SCIN: variants seen among roughly 807,000 people sequenced by gnomAD.
The protein encoded by SCIN is scinderin.
Under a neutral mutation model 91.8 loss-of-function variants are expected in SCIN, and 91 were observed. The ratio of observed to expected loss-of-function variants is 0.99; its 90% CI spans 0.84 to 1.18. The LOEUF (loss-of-function observed/expected upper bound fraction) is 1.18, where lower values mean the gene tolerates loss of function less well. Ranked by LOEUF, SCIN falls within the 50% of genes most tolerant of loss-of-function variation. The pLI is 0.00. For synonymous variants in SCIN, 367 were observed against 312.6 expected, an observed-to-expected ratio of 1.17 and a Z score of -1.84; for missense variants, 1,087 against 863.9, an observed-to-expected ratio of 1.26 and a Z score of -3.24.
intron 9 of SCIN, among the ~76,000 whole-genome samples, chr7:12,631,457 T>G (rs76896818): frequency 4.6e-5 from 7 of 152,166 alleles, no homozygotes; most frequent in Non-Finnish European, 8.8e-5. Flanking sequence ...CTAGAACTCA[T>G]GTTGAAACTT....
intron 3 of SCIN, among the ~76,000 whole-genome samples, chr7:12,582,759 C>G (rs977609825): frequency 6.6e-6 from 1 of 151,996 alleles, no homozygotes; most frequent in East Asian, 1.9e-4. Flanking sequence ...GCCACCACCC[C>G]CTACACTATA....
chr7:12,626,800 G>T lies in SCIN; in HGVS notation c.1197+1G>T. The T allele has an allele frequency of 1.3e-6, 2 of 1,599,494 alleles. No individual in the cohort carries two copies. Among genetic ancestry groups the T allele is most frequent in the Non-Finnish European group, 1.7e-6 (2 of 1,172,390 alleles). On this transcript the variant is annotated splice_donor_variant, in intron 8 of 15. Coordinates refer to ENST00000297029, the MANE Select transcript of SCIN (RefSeq NM_001112706.3). LOFTEE classifies it high-confidence loss of function. ...GGATGATGGTTCTGGCAAAGTGGAG[G>T]TATTTACCTGTTTTTGTTTTTATCA...
chr7:12,619,523 G>T (rs1265814531), intron 4 of SCIN, among the ~76,000 whole-genome samples: 2 of 152,078 alleles, frequency 1.3e-5, no homozygotes, highest in Non-Finnish European at 2.9e-5. Flanking sequence ...GTTTTAAAAA[G>T]AAAAGTTCAC....
intron 11 of SCIN, among the ~76,000 whole-genome samples, chr7:12,641,161 T>C (rs1350109862): frequency 6.6e-6 from 1 of 152,192 alleles, no homozygotes; most frequent in Admixed American, 6.5e-5. Flanking sequence ...TGGCATGCTC[T>C]GCATATCAAG....
chr7:12,643,155 A>G (rs1025748437), intron 11 of SCIN, among the ~76,000 whole-genome samples: 5 of 152,062 alleles, frequency 3.3e-5, no homozygotes, highest in African/African-American at 1.2e-4. Flanking sequence ...CTTTCTGTGC[A>G]TCTCTTTATT....
At position 12,599,567 on chromosome 7, in the gene SCIN, C is replaced by T. The variant is rs182613352; in HGVS notation, c.517-4947C>T. On this transcript the variant is annotated intron_variant, in intron 3 of 15. Transcript: ENST00000297029. ...GGGTTTGCTGGATCAAACAGTAGAT[C>T]TACTTTTAGTTCATTAAGGAATCTC... 1.2e-3 allele frequency among the ~76,000 whole-genome samples: 186 copies of T among 152,256 alleles called. 1 individual carries two copies. The highest frequency in any genetic ancestry group is 4.2e-3 in the African/African-American group (173 of 41,536).
At chr7:12,590,133 G>T (rs1138910) in intron 3 of SCIN, among the ~76,000 whole-genome samples, 14,994 of 152,160 alleles carry the variant, frequency 0.099, 822 homozygotes, top group South Asian at 0.18. Context: ...ATGGAGCCAG[G>T]GAGACCAAAT....
intron 6 of SCIN, 83 bp downstream of exon 6, chr7:12,625,225 T>A: frequency 7.8e-7 from 1 of 1,280,590 alleles, no homozygotes; most frequent in Admixed American, 3.2e-5. Flanking sequence ...TTTTTTGATT[T>A]TAAAAAAAAG....
intron 4 of SCIN, among the ~76,000 whole-genome samples, chr7:12,608,849 G>T (rs538914412): frequency 5.3e-5 from 8 of 152,100 alleles, no homozygotes; most frequent in Non-Finnish European, 1.2e-4. Context: ...AGCTTTGAAA[G>T]TCTCTCTATG....
intron 13 of SCIN, among the ~76,000 whole-genome samples, chr7:12,647,389 C>T (rs538961249): frequency 4.0e-5 from 6 of 151,874 alleles, no homozygotes; most frequent in African/African-American, 1.5e-4. Context: ...TAGATTCCTA[C>T]AAGGCAGCTA....
Position 12,625,793 on chromosome 7 carries a change from T to G in SCIN, c.924T>G (p.Ala308=), listed in dbSNP as rs1783508149. 6.2e-7 allele frequency: 1 copy of G among 1,612,694 alleles called. No homozygotes were observed. Among genetic ancestry groups the G allele is most frequent in the Non-Finnish European group, 8.5e-7 (1 of 1,179,118 alleles). The change falls in exon 7 of 16, where the codon GCT becomes GCG. Residue 308 remains alanine, a synonymous_variant. Transcript: ENST00000297029. ...ATGCTAATCCCCAAGAGAGGAAGGC[T>G]GCAATGAAGACAGCTGAAGAATTTC... The part of the protein sequence containing the change: ...GKDANPQERK[A]AMKTAEEFLQ...
At position 12,658,905 on chromosome 7, in the gene SCIN, G is replaced by A. The variant is rs957421202; in HGVS notation, c.*6190G>A. 7.9e-5 allele frequency: 12 copies of A among 152,154 alleles called. No individual in the cohort carries two copies. Among genetic ancestry groups the A allele is most frequent in the African/African-American group, 2.9e-4 (12 of 41,406 alleles). The allele number at this position is 152,154 out of a possible 1,614,324, so 9.4% of individuals were successfully genotyped here. On this transcript the variant is annotated 3_prime_UTR_variant, in exon 16 of 16. Coordinates refer to ENST00000297029, the MANE Select transcript of SCIN (RefSeq NM_001112706.3). Reference sequence around the variant, plus strand: ...TTTCAGCATACAAATTCAGAGGGGTGAAAGTAGGCAATGACACCACTATTT... The same window carrying A: ...TTTCAGCATACAAATTCAGAGGGGTAAAAGTAGGCAATGACACCACTATTT...
In SCIN at chr7:12,581,068, C is replaced by G; in HGVS notation, c.363C>G (p.Gly121=). 6.4e-7 allele frequency: 1 copy of G among 1,550,878 alleles called. No individual in the cohort carries two copies. Among genetic ancestry groups the G allele is most frequent in the Non-Finnish European group, 8.7e-7 (1 of 1,146,476 alleles). ...CTTCCCTCATTCATCAGGCTGGAGG[C>G]GTGGCATCTGGATTAAATCATGTTC... The part of the protein sequence containing the change: ...FKGGLKYKAG[G]VASGLNHVLT... The change falls in exon 3 of 16, where the codon GGC becomes GGG. Residue 121 remains glycine, a synonymous_variant. Coordinates refer to ENST00000297029, the MANE Select transcript of SCIN (RefSeq NM_001112706.3).
chr7:12,621,693 C>G (rs1449282863), intron 4 of SCIN, among the ~76,000 whole-genome samples: 2 of 133,730 alleles, frequency 1.5e-5, no homozygotes, highest in Non-Finnish European at 3.1e-5. Context: ...AGAAAAACTG[C>G]ATTACAATCA....
At chr7:12,612,898 C>T (rs962949803) in intron 4 of SCIN, among the ~76,000 whole-genome samples, 3 of 152,160 alleles carry the variant, frequency 2.0e-5, no homozygotes, top group African/African-American at 7.2e-5. Flanking sequence ...AGACTTGTAA[C>T]CTTACAGACA....
chr7:12,644,845 C>A, intron 13 of SCIN, 140 bp downstream of exon 13: 1 of 716,576 alleles, frequency 1.4e-6, no homozygotes, highest in South Asian at 1.9e-5. Flanking sequence ...TAGAAACCGT[C>A]TCTACTAAAA....
intron 1 of SCIN, among the ~76,000 whole-genome samples, chr7:12,576,912 T>C (rs1203949108): frequency 1.3e-5 from 2 of 152,210 alleles, no homozygotes; most frequent in Non-Finnish European, 1.5e-5. Context: ...TTATTATTTC[T>C]AGAGTCATTT....
chr7:12,618,310 T>C (rs1454179416), intron 4 of SCIN, among the ~76,000 whole-genome samples: 3 of 152,290 alleles, frequency 2.0e-5, no homozygotes, highest in Admixed American at 1.3e-4. Flanking sequence ...TATTTCATCA[T>C]TGCAGAAATT....
At position 12,570,988 on chromosome 7, in the gene SCIN, A is replaced by G; in HGVS notation, c.199+3A>G. Reference sequence around the variant, plus strand: ...CTACCACCTGCACTTCTGGCTCGGTAAGGGACGGCGGGCGGCGGGACCCCG... The same window carrying G: ...CTACCACCTGCACTTCTGGCTCGGTGAGGGACGGCGGGCGGCGGGACCCCG... On this transcript the variant is annotated splice_donor_region_variant and intron_variant, in intron 1 of 15. Coordinates refer to ENST00000297029, the MANE Select transcript of SCIN (RefSeq NM_001112706.3). 1.3e-6 allele frequency: 2 copies of G among 1,547,642 alleles called. No homozygotes were observed. Among genetic ancestry groups the G allele is most frequent in the Non-Finnish European group, 1.7e-6 (2 of 1,144,408 alleles).
Sources: allele counts gnomAD v4.1 joint callset (sites outside exome capture counted in the v4.1 genomes callset), GRCh38; gene constraint gnomAD v4.1.1; transcripts MANE v1.5; gene names NCBI Gene and HGNC (gene_info 2026-07-23, HGNC 2026-07-21).